Variants in DAB1 observed in about 807,000 individuals in gnomAD.
The protein encoded by DAB1 is DAB adaptor protein 1.
DAB1 carries 15 observed loss-of-function variants against 64.6 expected under a neutral mutation model. The ratio of observed to expected loss-of-function variants is 0.23; its 90% CI spans 0.16 to 0.36. The LOEUF (loss-of-function observed/expected upper bound fraction) is 0.36. Ranked by LOEUF, DAB1 falls within the 10% of genes least tolerant of loss-of-function variation. The probability of loss-of-function intolerance (pLI) is 1.00; values close to 1 mark genes in which losing one functional copy is unlikely to be tolerated. For missense variants in DAB1, 596 were observed against 706.7 expected (o/e 0.84, Z 1.78); for synonymous variants, 235 against 251.9 (o/e 0.93, Z 0.64).
intron 7 of DAB1, among the ~76,000 whole-genome samples, chr1:57,648,547 T>C (rs1167482329): frequency 6.6e-6 from 1 of 152,128 alleles, no homozygotes; most frequent in African/African-American, 2.4e-5. Context: ...ATTTCCTCTG[T>C]CTCCAAAAGC....
chr1:57,179,782 A>G (rs1426843889), intron 2 of DAB1, among the ~76,000 whole-genome samples: 2 of 152,206 alleles, frequency 1.3e-5, no homozygotes, highest in East Asian at 3.9e-4. Context: ...TAGCTATTGA[A>G]TTGAAATTGC....
At chr1:57,736,716 T>C (rs181046263) in intron 6 of DAB1, among the ~76,000 whole-genome samples, 2 of 152,266 alleles carry the variant, frequency 1.3e-5, no homozygotes, top group African/African-American at 4.8e-5. Context: ...ATAGAGGCCA[T>C]TAATTCTCCC....
intron 1 of DAB1, among the ~76,000 whole-genome samples, chr1:57,310,372 A>C (rs1674588047): frequency 6.6e-6 from 1 of 152,216 alleles, no homozygotes; most frequent in South Asian, 2.1e-4. Context: ...GGCAGAAATA[A>C]GCCAAGCACT....
chr1:57,646,392 G>T (rs116636052), intron 7 of DAB1, among the ~76,000 whole-genome samples: 1 of 152,164 alleles, frequency 6.6e-6, no homozygotes, highest in African/African-American at 2.4e-5. Flanking sequence ...AGTCTACCAC[G>T]TCTAGGACAC....
chr1:57,275,472 T>C (rs1671384733), intron 2 of DAB1, among the ~76,000 whole-genome samples: 1 of 152,198 alleles, frequency 6.6e-6, no homozygotes, highest in Non-Finnish European at 1.5e-5. Flanking sequence ...AAAAATGTAT[T>C]TTTAGCTGTT....
At chr1:58,192,653 GTA>G (rs796379585) in intron 4 of DAB1, among the ~76,000 whole-genome samples, 1 of 152,056 alleles carries the variant, frequency 6.6e-6, no homozygotes, top group African/African-American at 2.4e-5. Context: ...GTGTATATAT[GTA>G]TATATGTGTG....
At chr1:58,292,765 A>G (rs1352659230) in intron 4 of DAB1, among the ~76,000 whole-genome samples, 1 of 152,210 alleles carries the variant, frequency 6.6e-6, no homozygotes, top group Non-Finnish European at 1.5e-5. Context: ...AGATACATGC[A>G]AAGATTGGTG....
chr1:57,218,543 A>C (rs1019122733), intron 2 of DAB1, among the ~76,000 whole-genome samples: 4 of 145,272 alleles, frequency 2.8e-5, no homozygotes, highest in East Asian at 2.0e-4. Flanking sequence ...AAAAAAAAAA[A>C]CAGAAAAAAA....
intron 4 of DAB1, among the ~76,000 whole-genome samples, chr1:58,183,691 G>A (rs1050672204): frequency 2.6e-5 from 4 of 151,740 alleles, no homozygotes; most frequent in East Asian, 1.9e-4. Context: ...TTTAGATGAC[G>A]TATTATAGGA....
intron 2 of DAB1, among the ~76,000 whole-genome samples, chr1:57,172,442 C>T (rs1234945897): frequency 1.3e-5 from 2 of 152,142 alleles, no homozygotes; most frequent in Non-Finnish European, 2.9e-5. Context: ...AATGATTTGG[C>T]CAAATGGCAT....
At chr1:57,973,144 G>C (rs1162700472) in intron 5 of DAB1, among the ~76,000 whole-genome samples, 1 of 152,144 alleles carries the variant, frequency 6.6e-6, no homozygotes, top group Admixed American at 6.6e-5. Context: ...AGGGAAATTT[G>C]ACACATAGAT....
At chr1:58,180,088 A>T (rs1046227920) in intron 4 of DAB1, among the ~76,000 whole-genome samples, 11 of 152,016 alleles carry the variant, frequency 7.2e-5, no homozygotes, top group African/African-American at 2.6e-4. Flanking sequence ...CATTTTATAT[A>T]AGGGATTTGG....
chr1:57,147,364 G>C lies in DAB1; in HGVS notation c.68-1935C>G, dbSNP rs184381593. Among the ~76,000 whole-genome samples, 49 of 152,006 alleles carry C rather than the reference G, an allele frequency of 3.2e-4. 1 individual carries two copies. Among genetic ancestry groups the C allele is most frequent in the Admixed American group, 2.7e-3 (41 of 15,284 alleles). On this transcript the variant is annotated intron_variant, in intron 2 of 14. Coordinates refer to ENST00000371236, the MANE Select transcript of DAB1 (RefSeq NM_001365792.1). Reference sequence around the variant, plus strand: ...AGAAGACACAATCCTGGGAGGGTGGGAGGCAGAGAGAAGGAATGTCTATGT... The same window carrying C: ...AGAAGACACAATCCTGGGAGGGTGGCAGGCAGAGAGAAGGAATGTCTATGT...
At chr1:58,208,497 T>C (rs67989253) in intron 4 of DAB1, among the ~76,000 whole-genome samples, 2,674 of 152,276 alleles carry the variant, frequency 0.018, 43 homozygotes, top group Non-Finnish European at 0.025. Context: ...TTTATTCCTT[T>C]GTATCCTTGT....
At chr1:57,683,440 G>C (rs1646660373) in intron 6 of DAB1, among the ~76,000 whole-genome samples, 1 of 152,142 alleles carries the variant, frequency 6.6e-6, no homozygotes, top group South Asian at 2.1e-4. Context: ...AAATACAAAA[G>C]AGCCATGTGG....
At chr1:58,514,180 T>C (rs1333051082) in intron 2 of DAB1, among the ~76,000 whole-genome samples, 1 of 152,164 alleles carries the variant, frequency 6.6e-6, no homozygotes, top group East Asian at 1.9e-4. Flanking sequence ...ACAAGAAGGT[T>C]CTAGTACAAT....
At chr1:57,277,230 C>T (rs936730731) in intron 2 of DAB1, among the ~76,000 whole-genome samples, 1 of 152,134 alleles carries the variant, frequency 6.6e-6, no homozygotes, top group Non-Finnish European at 1.5e-5. Context: ...TGAAACCAGA[C>T]TGCTTGGGTT....
intron 1 of DAB1, among the ~76,000 whole-genome samples, chr1:57,864,056 G>T (rs756289820): frequency 3.3e-5 from 5 of 152,148 alleles, no homozygotes; most frequent in Non-Finnish European, 7.3e-5. Context: ...ATATCAGGAG[G>T]TGATGTGTGC....
chr1:57,087,368 A>G (rs567862), intron 4 of DAB1, among the ~76,000 whole-genome samples: 79,613 of 152,122 alleles, frequency 0.52, 21,292 homozygotes, highest in South Asian at 0.63. Context: ...GATGCCGGGA[A>G]GAGAAAACGT....
Sources: gnomAD v4.1 joint callset for allele counts (sites outside exome capture counted in the v4.1 genomes callset) on GRCh38, gnomAD v4.1.1 for gene constraint, MANE v1.5 for transcripts, NCBI Gene and HGNC (gene_info 2026-07-23, HGNC 2026-07-21) for gene names.